APBB2: variants seen among roughly 807,000 people sequenced by gnomAD.
APBB2 encodes the protein amyloid beta precursor protein binding family B member 2.
In APBB2, 38 loss-of-function variants were observed where a neutral mutation model predicts 82.5. That is an observed-to-expected ratio of 0.46 (90% confidence interval 0.36 to 0.60). The LOEUF (loss-of-function observed/expected upper bound fraction) is 0.60, where lower values mean the gene tolerates loss of function less well. APBB2 is among the 20% of genes least tolerant of loss of function. The pLI is 0.00. For synonymous variants in APBB2, 341 were observed against 368.2 expected (o/e 0.93, Z 0.85); for missense variants, 772 against 972.3 (o/e 0.79, Z 2.74).
intron 12 of APBB2, among the ~76,000 whole-genome samples, chr4:40,845,302 C>CT (rs2154317789): frequency 6.6e-6 from 1 of 152,262 alleles, no homozygotes; most frequent in South Asian, 2.1e-4. Flanking sequence ...CAAAGCTGGG[C>CT]TTCTGCACAA....
chr4:41,018,945 C>T (rs1025949610), intron 5 of APBB2, among the ~76,000 whole-genome samples: 1 of 152,202 alleles, frequency 6.6e-6, no homozygotes, highest in African/African-American at 2.4e-5. Flanking sequence ...CTTACTCTCC[C>T]ACTACTACAG....
At chr4:41,208,113 C>T (rs1005100658) in intron 1 of APBB2, among the ~76,000 whole-genome samples, 6 of 152,196 alleles carry the variant, frequency 3.9e-5, no homozygotes, top group South Asian at 2.1e-4. Flanking sequence ...CTGACTTACA[C>T]GACAGGGACA....
intron 5 of APBB2, among the ~76,000 whole-genome samples, chr4:41,019,305 G>C (rs1195253873): frequency 6.6e-6 from 1 of 152,156 alleles, no homozygotes; most frequent in African/African-American, 2.4e-5. Flanking sequence ...GAACAGTAAG[G>C]TAGAATCCAC....
chr4:40,951,926 CTG>C (rs1790280527), intron 6 of APBB2, among the ~76,000 whole-genome samples: 1 of 152,080 alleles, frequency 6.6e-6, no homozygotes, highest in South Asian at 2.1e-4. Flanking sequence ...AAAAAGATCT[CTG>C]TAATACTAGC....
At chr4:41,092,517 C>T (rs1054983677) in intron 3 of APBB2, among the ~76,000 whole-genome samples, 8 of 151,986 alleles carry the variant, frequency 5.3e-5, no homozygotes, top group Non-Finnish European at 1.0e-4. Flanking sequence ...AGTGAAACCT[C>T]GTCTCCACTA....
At chr4:41,210,377 G>A (rs1053144937) in intron 1 of APBB2, among the ~76,000 whole-genome samples, 7 of 152,184 alleles carry the variant, frequency 4.6e-5, no homozygotes, top group Admixed American at 4.6e-4. Context: ...GTAACACAGT[G>A]AATTGAAGTA....
intron 6 of APBB2, among the ~76,000 whole-genome samples, chr4:40,973,854 T>C: frequency 1.4e-5 from 1 of 73,162 alleles, no homozygotes; most frequent in Non-Finnish European, 3.3e-5. Context: ...CAAATTTCCT[T>C]TTTTTTTTTT....
chr4:40,871,898 A>C (rs1765609759), intron 12 of APBB2, among the ~76,000 whole-genome samples: 1 of 152,360 alleles, frequency 6.6e-6, no homozygotes, highest in Non-Finnish European at 1.5e-5. Flanking sequence ...AGGGAGACAC[A>C]CATCTGTGAC....
intron 10 of APBB2, among the ~76,000 whole-genome samples, chr4:40,905,065 C>A (rs915371334): frequency 6.6e-6 from 1 of 152,184 alleles, no homozygotes; most frequent in Non-Finnish European, 1.5e-5. Context: ...GAAAAGCTCC[C>A]CTGATGTTAA....
intron 17 of APBB2, among the ~76,000 whole-genome samples, chr4:40,819,270 C>G (rs1746979076): frequency 6.7e-6 from 1 of 150,368 alleles, no homozygotes; most frequent in African/African-American, 2.5e-5. Flanking sequence ...ACTGCAACCT[C>G]CACCCCCAAG....
At chr4:41,027,362 T>TACAC (rs1208622695) in intron 5 of APBB2, among the ~76,000 whole-genome samples, 84 of 78,226 alleles carry the variant, frequency 1.1e-3, no homozygotes, top group African/African-American at 3.3e-3. Flanking sequence ...AACATATTGT[T>TACAC]ACATATATAT....
At chr4:40,883,307 A>C (rs1769212135) in intron 12 of APBB2, among the ~76,000 whole-genome samples, 1 of 151,944 alleles carries the variant, frequency 6.6e-6, no homozygotes, top group South Asian at 2.1e-4. Context: ...TGGGTAACAG[A>C]GCGAGACGGT....
At chr4:41,164,270 A>G (rs775553559) in intron 1 of APBB2, among the ~76,000 whole-genome samples, 2 of 152,218 alleles carry the variant, frequency 1.3e-5, no homozygotes, top group Non-Finnish European at 2.9e-5. Flanking sequence ...CGGCATCACA[A>G]TGGCAGCTAA....
chr4:40,941,731 A>G (rs1262465978), intron 7 of APBB2, among the ~76,000 whole-genome samples: 3 of 152,152 alleles, frequency 2.0e-5, no homozygotes, highest in Admixed American at 6.5e-5. Flanking sequence ...TCTGGGTTCA[A>G]GTGATCTTCC....
intron 12 of APBB2, among the ~76,000 whole-genome samples, chr4:40,869,605 A>G (rs924369438): frequency 1.1e-4 from 16 of 152,128 alleles, no homozygotes; most frequent in Non-Finnish European, 2.4e-4. Context: ...AAAAAATAAA[A>G]GAGGCCTAAA....
chr4:40,962,949 C>T (rs1424314083), intron 6 of APBB2, among the ~76,000 whole-genome samples: 1 of 152,210 alleles, frequency 6.6e-6, no homozygotes, highest in Admixed American at 6.5e-5. Flanking sequence ...GAAAAACGCT[C>T]TTGAAGCGTT....
At chr4:41,047,865 C>G (rs1047141534) in intron 4 of APBB2, among the ~76,000 whole-genome samples, 1 of 152,228 alleles carries the variant, frequency 6.6e-6, no homozygotes, top group Non-Finnish European at 1.5e-5. Flanking sequence ...CATGGTTTCT[C>G]TTCAACCACA....
intron 10 of APBB2, among the ~76,000 whole-genome samples, chr4:40,900,948 C>A (rs1394061169): frequency 6.6e-6 from 1 of 152,100 alleles, no homozygotes; most frequent in Non-Finnish European, 1.5e-5. Flanking sequence ...GGTAGTATTT[C>A]AAAAAACTGG....
chr4:41,179,097 A>G (rs1310808693), intron 1 of APBB2, among the ~76,000 whole-genome samples: 1 of 152,186 alleles, frequency 6.6e-6, no homozygotes, highest in Non-Finnish European at 1.5e-5. Context: ...CGCTCAACAA[A>G]AAGTTTTCTG....
Sources: gnomAD v4.1 joint callset for allele counts (sites outside exome capture counted in the v4.1 genomes callset) on GRCh38, gnomAD v4.1.1 for gene constraint, MANE v1.5 for transcripts, NCBI Gene and HGNC (gene_info 2026-07-23, HGNC 2026-07-21) for gene names.